The following FILIP1L variants were observed in gnomAD, a reference collection of about 807,000 sequenced individuals.
FILIP1L encodes the protein filamin A-interacting protein 1-like.
FILIP1L carries 55 observed loss-of-function variants against 96.6 expected under a neutral mutation model. That is an observed-to-expected ratio of 0.57 (90% CI 0.46 to 0.71). FILIP1L has a LOEUF of 0.71. Ranked by LOEUF, FILIP1L falls within the 30% of genes least tolerant of loss-of-function variation. FILIP1L has a pLI of 0.00. For missense variants in FILIP1L, 1,304 were observed against 1,321.2 expected (o/e 0.99, Z 0.20); for synonymous variants, 467 against 473.9 (o/e 0.99, Z 0.19).
At chr3:99,912,482 A>T (rs372045242) in intron 4 of FILIP1L, among the ~76,000 whole-genome samples, 3 of 152,128 alleles carry the variant, frequency 2.0e-5, no homozygotes, top group Admixed American at 6.5e-5. Flanking sequence ...GACTCAGGTG[A>T]TCCTCCTACC....
At chr3:99,870,899 T>C (rs1412808778) in intron 4 of FILIP1L, among the ~76,000 whole-genome samples, 2 of 152,236 alleles carry the variant, frequency 1.3e-5, no homozygotes, top group African/African-American at 4.8e-5. Context: ...TTAGAGAAAT[T>C]CAGAGGAGTC....
At chr3:100,088,038 C>G (rs1490391940) in intron 1 of FILIP1L, among the ~76,000 whole-genome samples, 1 of 152,018 alleles carries the variant, frequency 6.6e-6, no homozygotes, top group African/African-American at 2.4e-5. Flanking sequence ...ACCATGTTGG[C>G]CAGGCTGGTC....
chr3:99,978,990 G>A (rs937857873), intron 1 of FILIP1L, among the ~76,000 whole-genome samples: 2 of 152,122 alleles, frequency 1.3e-5, no homozygotes, highest in African/African-American at 4.8e-5. Context: ...CAAAATTACG[G>A]CTAGATAAAA....
chr3:99,926,460 A>G (rs989274603), intron 3 of FILIP1L, among the ~76,000 whole-genome samples: 1 of 152,230 alleles, frequency 6.6e-6, no homozygotes, highest in Non-Finnish European at 1.5e-5. Context: ...TTTTATCTTC[A>G]GTTGCCCAAA....
rs535753323 is a variant in FILIP1L at position 99,931,153 on chromosome 3, T to C, written c.-10-123A>G. ...TACCACAGCCCCAAAGTCAATCTTT[T>C]TGATGTCTACAGCAGAGAAGGATAT... On this transcript the variant is annotated intron_variant, in intron 1 of 5. Coordinates refer to ENST00000477258, the MANE Select transcript of FILIP1L (RefSeq NM_001387850.1). 2.5e-5 allele frequency: 19 copies of C among 761,970 alleles called. 1 individual carries two copies. The East Asian group carries it at 4.7e-4, about 19-fold the overall frequency. 47.2% of individuals were successfully genotyped at this position (761,970 alleles called of 1,614,324 possible).
intron 1 of FILIP1L, among the ~76,000 whole-genome samples, chr3:100,068,543 G>T (rs888072793): frequency 6.6e-6 from 1 of 152,168 alleles, no homozygotes; most frequent in African/African-American, 2.4e-5. Flanking sequence ...TGCTGCCAAA[G>T]AACCCACTGC....
intron 1 of FILIP1L, among the ~76,000 whole-genome samples, chr3:100,106,405 C>T (rs766742744): frequency 1.2e-4 from 19 of 152,094 alleles, no homozygotes; most frequent in Non-Finnish European, 2.6e-4. Context: ...ATTTATTAAT[C>T]TCAGGATTAT....
intron 1 of FILIP1L, among the ~76,000 whole-genome samples, chr3:100,082,975 T>C (rs2065954798): frequency 6.6e-6 from 1 of 152,224 alleles, no homozygotes; most frequent in African/African-American, 2.4e-5. Context: ...CCTTGTGGTT[T>C]TATTTAATGT....
chr3:100,008,056 A>C (rs935226081), intron 1 of FILIP1L, among the ~76,000 whole-genome samples: 1 of 152,186 alleles, frequency 6.6e-6, no homozygotes, highest in South Asian at 2.1e-4. Flanking sequence ...TCCCTCCTCC[A>C]AGTTGACATA....
At chr3:100,041,100 G>C (rs1427328082) in intron 1 of FILIP1L, 1 of 152,148 alleles carries the variant, frequency 6.6e-6, no homozygotes, top group African/African-American at 2.4e-5. Flanking sequence ...GATCACAGAA[G>C]GGTGACTGCC....
At chr3:100,027,057 A>G (rs1313585739) in intron 1 of FILIP1L, among the ~76,000 whole-genome samples, 2 of 151,958 alleles carry the variant, frequency 1.3e-5, no homozygotes, top group Admixed American at 6.6e-5. Flanking sequence ...CGGCCCATTC[A>G]TCCCCTGCAT....
At chr3:100,040,758 G>A (rs2065191309) in intron 1 of FILIP1L, 1 of 152,178 alleles carries the variant, frequency 6.6e-6, no homozygotes, top group Non-Finnish European at 1.5e-5. Context: ...GTGGTGCTGG[G>A]AGCCATGTGG....
intron 1 of FILIP1L, among the ~76,000 whole-genome samples, chr3:100,062,265 C>T (rs181614407): frequency 6.3e-4 from 96 of 151,648 alleles, no homozygotes; most frequent in African/African-American, 2.0e-3. Flanking sequence ...GCGCTCGCCA[C>T]CACGCCCAGC....
intron 1 of FILIP1L, among the ~76,000 whole-genome samples, chr3:100,091,942 G>A (rs1039045057): frequency 6.6e-6 from 1 of 152,150 alleles, no homozygotes; most frequent in African/African-American, 2.4e-5. Flanking sequence ...AGATTTCTCA[G>A]GTTAGAATCT....
chr3:99,849,348 A>G lies in FILIP1L; in HGVS notation c.2328T>C (p.His776=). The G allele has an allele frequency of 6.2e-7, 1 of 1,614,088 alleles. No homozygotes were observed. Among genetic ancestry groups the G allele is most frequent in the South Asian group, 1.1e-5 (1 of 91,072 alleles). Residue 776 remains histidine, a synonymous_variant, in exon 5 of 6, where the codon CAT becomes CAC. Transcript: ENST00000477258. Reference sequence around the variant, plus strand: ...GACTAGGCCTGAGGCTCTTACTGAAATGCCGGTACCTCTCTAACTCCTTAG... The same window carrying G: ...GACTAGGCCTGAGGCTCTTACTGAAGTGCCGGTACCTCTCTAACTCCTTAG... ...NLTKELERYR[H]FSKSLRPSLN... is the part of the protein sequence containing the mutation.
In FILIP1L at chr3:99,924,407, A is replaced by C. The variant is rs749754555; in HGVS notation, c.428T>G (p.Leu143Trp). ...TTTATGTTTTTCCACAACTTTGTCC[A>C]ACTACGAAAGAAAACATTTATAGCC... ...EDIYEKPMNE[L>W]DKVVEKHKES... Residue 143 changes from leucine to tryptophan, a missense_variant and splice_region_variant, in exon 4 of 6, where the codon TTG (leucine) becomes TGG (tryptophan). By Grantham distance (61) the Leu-to-Trp change is moderately conservative. Transcript: ENST00000477258. The C allele has an allele frequency of 6.2e-7, 1 of 1,613,696 alleles. No individual in the cohort carries two copies.
At chr3:100,030,305 G>A (rs1257698932) in intron 1 of FILIP1L, among the ~76,000 whole-genome samples, 2 of 152,142 alleles carry the variant, frequency 1.3e-5, no homozygotes, top group Non-Finnish European at 2.9e-5. Flanking sequence ...GCCACCAGAA[G>A]TCAGTGATCA....
At chr3:100,099,053 A>C (rs1197356225) in intron 1 of FILIP1L, among the ~76,000 whole-genome samples, 1 of 152,188 alleles carries the variant, frequency 6.6e-6, no homozygotes, top group Non-Finnish European at 1.5e-5. Flanking sequence ...GGAGTTTTCA[A>C]ATTTCTACCA....
Position 100,062,138 on chromosome 3 carries a change from G to T in FILIP1L, c.-11+51915C>A, listed in dbSNP as rs2107347395. ...TTTTTTTTTTTTTTTTTGAGACGGA[G>T]TGTTGCTCTGTCCCCCAGGCTGGAG... On this transcript the variant is annotated intron_variant, in intron 1 of 5. Transcript: ENST00000477258. 2.2e-5 allele frequency among the ~76,000 whole-genome samples: 2 copies of T among 90,062 alleles called. 1 individual carries two copies. The highest frequency in any genetic ancestry group is 9.4e-5 in the African/African-American group (2 of 21,176). The allele number at this position is 90,062 out of a possible 152,430, so 59.1% of individuals were successfully genotyped here.
Sources: gnomAD v4.1 joint callset for allele counts (sites outside exome capture counted in the v4.1 genomes callset) on GRCh38, gnomAD v4.1.1 for gene constraint, MANE v1.5 for transcripts, NCBI Gene and HGNC (gene_info 2026-07-23, HGNC 2026-07-21) for gene names.